The following COL14A1 variants were observed in gnomAD, a reference collection of about 807,000 sequenced individuals.
The protein encoded by COL14A1 is collagen type XIV alpha 1 chain, also known as collagen alpha-1(XIV) chain.
Under a neutral mutation model 230.3 loss-of-function variants are expected in COL14A1, and 136 were observed. That is an observed-to-expected ratio of 0.59 (90% CI 0.51 to 0.68). The LOEUF (loss-of-function observed/expected upper bound fraction) is 0.68. Ranked by LOEUF, COL14A1 falls within the 30% of genes least tolerant of loss-of-function variation. The probability of loss-of-function intolerance (pLI) is 0.00; values close to 1 mark genes in which losing one functional copy is unlikely to be tolerated. For synonymous variants in COL14A1, 792 were observed against 784.1 expected (o/e 1.01, Z -0.17); for missense variants, 1,976 against 2,215.8 (o/e 0.89, Z 2.17).
intron 17 of COL14A1, 40 bp from the exon 18 acceptor site, chr8:120,228,670 G>C: frequency 6.6e-7 from 1 of 1,523,166 alleles, no homozygotes; most frequent in African/African-American, 1.4e-5. Flanking sequence ...AAAATGGACA[G>C]TTGTTTTTGC....
Position 120,150,365 on chromosome 8 carries a change from T to G in COL14A1, c.88+2435T>G, listed in dbSNP as rs192406743. Reference sequence around the variant, plus strand: ...TATACTAAATTGTCCATGAAATAGGTGTTGAAGGCTGGAAGTAGGCAATGT... The same window carrying G: ...TATACTAAATTGTCCATGAAATAGGGGTTGAAGGCTGGAAGTAGGCAATGT... On this transcript the variant is annotated intron_variant, in intron 2 of 47. Transcript: ENST00000297848. Among the ~76,000 whole-genome samples, 6 of 152,226 alleles carry G rather than the reference T, an allele frequency of 3.9e-5. No individual in the cohort carries two copies. The East Asian group carries it at 1.2e-3, about 29-fold the overall frequency.
At chr8:120,365,325 C>T (rs1386915750) in intron 45 of COL14A1, among the ~76,000 whole-genome samples, 1 of 152,128 alleles carries the variant, frequency 6.6e-6, no homozygotes, top group Non-Finnish European at 1.5e-5. Context: ...CGTGAGAGGC[C>T]ACTGAGTCAC....
At position 120,285,906 on chromosome 8, in the gene COL14A1, A is replaced by T. The variant is rs755352395; in HGVS notation, c.4013A>T (p.Asp1338Val). The change falls in exon 33 of 48, where the codon GAT becomes GTT. Residue 1338 changes from aspartate to valine, a missense_variant. Physicochemically the swap from Asp to Val is radical, Grantham distance 152. Coordinates refer to ENST00000297848, the MANE Select transcript of COL14A1 (RefSeq NM_021110.4). The stretch of plus-strand genomic sequence containing the variant: ...TATTTCAACTATGACCAGAGTGGGG[A>T]TTTTCAAACTGTTACTTTCGAAGGA... ...LTYFNYDQSG[D>V]FQTVTFEGPE... 2.3e-5 allele frequency: 37 copies of T among 1,611,718 alleles called. No individual in the cohort carries two copies. In the Admixed American group the frequency reaches 4.3e-4, roughly 19 times the overall value.
intron 45 of COL14A1, among the ~76,000 whole-genome samples, chr8:120,347,224 C>T (rs1822550703): frequency 6.6e-6 from 1 of 152,180 alleles, no homozygotes; most frequent in African/African-American, 2.4e-5. Context: ...ACAGAAAAAT[C>T]ACCCAAGGAT....
intron 34 of COL14A1, among the ~76,000 whole-genome samples, chr8:120,291,641 A>T (rs1820381566): frequency 6.6e-6 from 1 of 151,618 alleles, no homozygotes; most frequent in Admixed American, 6.6e-5. Context: ...GGCCCAGATC[A>T]CATAATACTA....
intron 1 of COL14A1, among the ~76,000 whole-genome samples, chr8:120,127,126 G>A (rs1312872859): frequency 6.6e-6 from 1 of 152,166 alleles, no homozygotes; most frequent in East Asian, 1.9e-4. Context: ...GTATGGATTT[G>A]CCTATTTCGG....
At chr8:120,299,642 G>A (rs1471077200) in intron 35 of COL14A1, among the ~76,000 whole-genome samples, 1 of 152,012 alleles carries the variant, frequency 6.6e-6, no homozygotes, top group Non-Finnish European at 1.5e-5. Flanking sequence ...CTTATTTTGG[G>A]ATCTTTCAGA....
chr8:120,168,384 T>C, intron 5 of COL14A1, 137 bp downstream of exon 5: 1 of 576,148 alleles, frequency 1.7e-6, no homozygotes, highest in Non-Finnish European at 3.1e-6. Context: ...CTCTTTGTAC[T>C]CTTCCTTCCT....
chr8:120,280,588 T>C, intron 29 of COL14A1, 123 bp from the exon 30 acceptor site: 1 of 917,042 alleles, frequency 1.1e-6, no homozygotes, highest in Non-Finnish European at 1.7e-6. Flanking sequence ...CACATTTGAT[T>C]TGTATTCTCT....
chr8:120,209,924 A>G (rs373642069), intron 12 of COL14A1, 23 bp downstream of exon 12: 1 of 1,530,496 alleles, frequency 6.5e-7, no homozygotes, highest in Non-Finnish European at 8.7e-7. Context: ...TACCTATTAC[A>G]GTCCTAGAAT....
intron 5 of COL14A1, among the ~76,000 whole-genome samples, chr8:120,173,644 CTG>C (rs1816168810): frequency 7.6e-6 from 1 of 131,246 alleles, no homozygotes; most frequent in Non-Finnish European, 1.7e-5. Context: ...TTTGTATTAT[CTG>C]TCTCTATCTA....
chr8:120,321,274 G>A (rs1821429313), intron 40 of COL14A1, among the ~76,000 whole-genome samples: 1 of 152,116 alleles, frequency 6.6e-6, no homozygotes, highest in African/African-American at 2.4e-5. Flanking sequence ...TACCTGGAGA[G>A]TGGCACACCT....
intron 35 of COL14A1, 126 bp from the exon 36 acceptor site, chr8:120,300,606 C>T: frequency 1.4e-6 from 1 of 721,442 alleles, no homozygotes; most frequent in Non-Finnish European, 2.4e-6. Context: ...AGTGAATATT[C>T]TCTGCCTTTC....
intron 37 of COL14A1, among the ~76,000 whole-genome samples, chr8:120,311,959 T>A (rs1399828048): frequency 6.6e-6 from 1 of 151,856 alleles, no homozygotes; most frequent in East Asian, 1.9e-4. Flanking sequence ...TAGCTGGGTG[T>A]GGTGGTGGGC....
At chr8:120,197,612 C>T (rs937728747) in intron 6 of COL14A1, among the ~76,000 whole-genome samples, 199 bp from the exon 7 acceptor site, 4 of 152,018 alleles carry the variant, frequency 2.6e-5, no homozygotes, top group Admixed American at 1.3e-4. Context: ...AATATGTACA[C>T]TCCCTCAACC....
At chr8:120,301,082 T>A (rs1217974760) in intron 36 of COL14A1, among the ~76,000 whole-genome samples, 1 of 152,144 alleles carries the variant, frequency 6.6e-6, no homozygotes, top group Non-Finnish European at 1.5e-5. Flanking sequence ...CTGGTCTATA[T>A]TCAAAATCTT....
chr8:120,334,585 A>ACACACACACACACACACAC (rs113923173), intron 42 of COL14A1, among the ~76,000 whole-genome samples: 59 of 144,786 alleles, frequency 4.1e-4, no homozygotes, highest in Admixed American at 2.6e-3. Flanking sequence ...CACACACAAA[A>ACACACACACACACACACAC]ACACACACAC....
chr8:120,124,760 AC>A (rs2130349799), upstream of COL14A1, among the ~76,000 whole-genome samples: 1 of 152,274 alleles, frequency 6.6e-6, no homozygotes, highest in Non-Finnish European at 1.5e-5. Context: ...GGCACACAGC[AC>A]CTGAGAACAG....
intron 8 of COL14A1, among the ~76,000 whole-genome samples, chr8:120,200,715 T>TTATATATATATATATATA (rs34177030): frequency 1.2e-5 from 1 of 85,776 alleles, no homozygotes. Flanking sequence ...GTTTTCCTAT[T>TTATATATATATATATATA]TATATATATA....
Sources: allele counts gnomAD v4.1 joint callset (sites outside exome capture counted in the v4.1 genomes callset), GRCh38; gene constraint gnomAD v4.1.1; transcripts MANE v1.5; gene names NCBI Gene and HGNC (gene_info 2026-07-23, HGNC 2026-07-21).